SYNE2: variants seen among roughly 807,000 people sequenced by gnomAD.
SYNE2 encodes the protein nesprin-2.
Under a neutral mutation model 856.3 loss-of-function variants are expected in SYNE2, and 431 were observed. The observed-to-expected ratio is 0.50, with a 90% CI of 0.47 to 0.55. SYNE2 has a LOEUF of 0.55. SYNE2 is among the 20% of genes least tolerant of loss of function. The pLI, the probability that SYNE2 is intolerant of heterozygous loss-of-function variation, is 0.00. For missense variants in SYNE2, 8,129 were observed against 8,023.2 expected, an observed-to-expected ratio of 1.01 and a Z score of -0.50; for synonymous variants, 2,923 against 2,872.3, an observed-to-expected ratio of 1.02 and a Z score of -0.56.
At chr14:63,993,672 C>T (rs1311787218) in intron 21 of SYNE2, among the ~76,000 whole-genome samples, 163 bp from the exon 22 acceptor site, 2 of 152,184 alleles carry the variant, frequency 1.3e-5, no homozygotes, top group Admixed American at 6.5e-5. Context: ...CTAGCAACCT[C>T]GATTTACAAA....
chr14:63,910,568 A>G (rs1488472813), intron 2 of SYNE2, among the ~76,000 whole-genome samples: 1 of 152,208 alleles, frequency 6.6e-6, no homozygotes, highest in Non-Finnish European at 1.5e-5. Flanking sequence ...GAAAAAAATT[A>G]TTGTTTTTCT....
At chr14:64,097,716 T>G (rs1232787151) in intron 61 of SYNE2, among the ~76,000 whole-genome samples, 9 of 152,220 alleles carry the variant, frequency 5.9e-5, no homozygotes, top group South Asian at 4.1e-4. Flanking sequence ...AGATTCTGAT[T>G]CACAAGGTCT....
chr14:64,065,324 C>A, intron 50 of SYNE2, 108 bp from the exon 51 acceptor site: 1 of 983,440 alleles, frequency 1.0e-6, no homozygotes, highest in Non-Finnish European at 1.5e-6. Context: ...TCATGCAATA[C>A]TTATGGAAGA....
At chr14:64,028,152 G>A (rs550121349) in intron 43 of SYNE2, among the ~76,000 whole-genome samples, 23 of 151,952 alleles carry the variant, frequency 1.5e-4, no homozygotes, top group Admixed American at 5.2e-4. Context: ...TGATCCTCCC[G>A]CCTTGGCCTC....
chr14:63,951,010 C>CTTT (rs34081498), intron 7 of SYNE2, among the ~76,000 whole-genome samples: 1 of 144,776 alleles, frequency 6.9e-6, no homozygotes, highest in Non-Finnish European at 1.5e-5. Flanking sequence ...GTGCTCATAT[C>CTTT]TTTTTTTTTT....
rs1432742200 is a variant in SYNE2, at chr14:64,053,108, G to A, written c.9195G>A (p.Met3065Ile). The change falls in exon 48 of 116, where the codon ATG becomes ATA. Residue 3065 changes from methionine (M) to isoleucine (I), a missense_variant. Coordinates refer to ENST00000555002, the MANE Select transcript of SYNE2 (RefSeq NM_182914.3). ...MRAIDLQIKK[M>I]TEVVLKAPDS... The stretch of plus-strand genomic sequence containing the variant: ...CTATTGATTTGCAAATTAAGAAAAT[G>A]ACTGAAGTAGTACTAAAAGCTCCTG... 2 of 1,613,982 alleles carry A rather than the reference G, an allele frequency of 1.2e-6. No individual in the cohort carries two copies. The highest frequency in any genetic ancestry group is 1.7e-6 in the Non-Finnish European group (2 of 1,180,000).
chr14:63,918,801 G>C (rs1203877661), intron 2 of SYNE2, among the ~76,000 whole-genome samples: 3 of 152,126 alleles, frequency 2.0e-5, no homozygotes, highest in Non-Finnish European at 4.4e-5. Flanking sequence ...GTGTTATAAG[G>C]TAAAGGGCAC....
intron 17 of SYNE2, 112 bp from the exon 18 acceptor site, chr14:63,983,625 A>G (rs2096603215): frequency 3.4e-6 from 3 of 875,756 alleles, no homozygotes; most frequent in Non-Finnish European, 5.4e-6. Flanking sequence ...ACACTGTTGT[A>G]GTTTAATCCT....
At chr14:63,821,345 T>C (rs1290771217) in intron 1 of SYNE2, among the ~76,000 whole-genome samples, 1 of 152,184 alleles carries the variant, frequency 6.6e-6, no homozygotes, top group Non-Finnish European at 1.5e-5. Context: ...TAAAATTTGG[T>C]ACATAAGCAA....
In SYNE2 at chr14:64,186,459, C is replaced by T; in HGVS notation, c.17592C>T (p.Asn5864=). 1.9e-6 allele frequency: 3 copies of T among 1,614,196 alleles called. No homozygotes were observed. Among genetic ancestry groups the T allele is most frequent in the Non-Finnish European group, 2.5e-6 (3 of 1,180,036 alleles). Residue 5864 remains asparagine (N), a synonymous_variant, in exon 97 of 116, where the codon AAC becomes AAT. Transcript: ENST00000555002. ...LEQSLASWTQ[N]LKELQTMKAD... ...AGTCTTTGGCTAGCTGGACTCAGAA[C>T]TTGAAAGAACTTCAAACTATGAAGG...
chr14:63,916,013 G>GA (rs1299185613), intron 2 of SYNE2, among the ~76,000 whole-genome samples: 1 of 151,114 alleles, frequency 6.6e-6, no homozygotes, highest in African/African-American at 2.5e-5. Context: ...TAGGTGTTAG[G>GA]AGTACAAAGA....
Position 63,990,707 on chromosome 14 carries a change from C to A in SYNE2, c.2472+138C>A, listed in dbSNP as rs749163543. On this transcript the variant is annotated intron_variant, in intron 20 of 115. Transcript: ENST00000555002. ...ATTACTTTTGCATTATGTTTTATTT[C>A]TTTATAATTTAAAGCGTATCAGAAA... The A allele has an allele frequency of 2.0e-4, 174 of 861,994 alleles. 2 individuals carry two copies. Among genetic ancestry groups the A allele is most frequent in the Non-Finnish European group, 2.2e-4 (120 of 544,000 alleles). 53.4% of individuals were successfully genotyped at this position (861,994 alleles called of 1,614,324 possible).
intron 1 of SYNE2, among the ~76,000 whole-genome samples, chr14:63,814,308 A>G (rs1888740125): frequency 6.7e-6 from 1 of 150,110 alleles, no homozygotes; most frequent in Non-Finnish European, 1.5e-5. Flanking sequence ...AAAGAACAGA[A>G]CAAAACAAAA....
At chr14:64,044,280 C>T (rs769623568) in intron 45 of SYNE2, among the ~76,000 whole-genome samples, 5 of 152,186 alleles carry the variant, frequency 3.3e-5, no homozygotes, top group Non-Finnish European at 7.3e-5. Context: ...TAATTTCAGA[C>T]TTGCATGGGC....
intron 1 of SYNE2, among the ~76,000 whole-genome samples, chr14:63,820,384 T>C (rs1889169554): frequency 6.6e-6 from 1 of 152,160 alleles, no homozygotes; most frequent in Admixed American, 6.6e-5. Flanking sequence ...GCATACTTGG[T>C]GCCATGTACA....
chr14:64,030,119 G>C, intron 44 of SYNE2, 60 bp downstream of exon 44: 1 of 1,514,074 alleles, frequency 6.6e-7, no homozygotes, highest in Non-Finnish European at 9.1e-7. Context: ...GTTAATTACA[G>C]TGTGATTAAT....
At chr14:64,078,341 C>G in intron 54 of SYNE2, 125 bp from the exon 55 acceptor site, 2 of 1,139,948 alleles carry the variant, frequency 1.8e-6, no homozygotes, top group Admixed American at 2.0e-5. Context: ...GCCAGAATTT[C>G]TTCCCCCAGC....
In SYNE2 at chr14:63,986,554, G is replaced by A; in HGVS notation, c.2250G>A (p.Glu750=). 3 of 1,614,156 alleles carry A rather than the reference G, an allele frequency of 1.9e-6. No individual in the cohort carries two copies. Among genetic ancestry groups the A allele is most frequent in the Non-Finnish European group, 2.5e-6 (3 of 1,180,006 alleles). Reference sequence around the variant, plus strand: ...TCATTGGACAAGTGGAAATCTGGGAGGCAGAAGCCAAATCTGTTTTGGATC... The same window carrying A: ...TCATTGGACAAGTGGAAATCTGGGAAGCAGAAGCCAAATCTGTTTTGGATC... ...EKLIGQVEIW[E]AEAKSVLDQD... is the part of the protein sequence containing the mutation. Residue 750 remains glutamate, a synonymous_variant, in exon 19 of 116, where the codon GAG becomes GAA. Transcript: ENST00000555002.
chr14:64,174,068 A>T (rs1173420457), intron 94 of SYNE2: 173 of 420,974 alleles, frequency 4.1e-4, no homozygotes, highest in South Asian at 1.0e-3. Flanking sequence ...TGTCTCTTAA[A>T]TTTTTTTTTT....
Sources: allele counts gnomAD v4.1 joint callset (sites outside exome capture counted in the v4.1 genomes callset), GRCh38; gene constraint gnomAD v4.1.1; transcripts MANE v1.5; gene names NCBI Gene and HGNC (gene_info 2026-07-23, HGNC 2026-07-21).